Variants in LRRK2 observed in about 807,000 individuals in gnomAD.
The protein encoded by LRRK2 is leucine-rich repeat serine/threonine-protein kinase 2.
A neutral mutation model predicts 302.6 loss-of-function variants in LRRK2; 203 were observed. The observed-to-expected ratio is 0.67, with a 90% CI of 0.60 to 0.75. The LOEUF is 0.75. Among genes scored for constraint, LRRK2 ranks in the 30% least tolerant of loss-of-function variants. The pLI, the probability that LRRK2 is intolerant of heterozygous loss-of-function variation, is 0.00. For synonymous variants in LRRK2, 1,066 were observed against 1,031.9 expected, an observed-to-expected ratio of 1.03 and a Z score of -0.63; for missense variants, 2,830 against 2,951.0, an observed-to-expected ratio of 0.96 and a Z score of 0.95.
intron 43 of LRRK2, among the ~76,000 whole-genome samples, chr12:40,349,173 C>T (rs969207100): frequency 2.0e-5 from 3 of 152,044 alleles, no homozygotes; most frequent in African/African-American, 7.3e-5. Context: ...TGGCTTCTCC[C>T]CTTTTGTCCC....
intron 12 of LRRK2, among the ~76,000 whole-genome samples, chr12:40,257,977 G>T (rs1482780870): frequency 1.3e-5 from 2 of 151,940 alleles, no homozygotes; most frequent in Non-Finnish European, 2.9e-5. Flanking sequence ...ACTCTCATGT[G>T]TAAAAAAAAT....
chr12:40,341,013 G>C (rs1344922300), intron 41 of LRRK2, among the ~76,000 whole-genome samples: 1 of 152,160 alleles, frequency 6.6e-6, no homozygotes, highest in Non-Finnish European at 1.5e-5. Flanking sequence ...GGGGCTGGCC[G>C]TGACCCTACT....
chr12:40,326,964 A>G (rs538523730), intron 38 of LRRK2, among the ~76,000 whole-genome samples: 17 of 152,364 alleles, frequency 1.1e-4, no homozygotes, highest in African/African-American at 3.8e-4. Flanking sequence ...ATATATGCTC[A>G]TTATAGACAT....
intron 38 of LRRK2, among the ~76,000 whole-genome samples, chr12:40,326,175 G>C (rs903586471): frequency 1.3e-5 from 2 of 152,118 alleles, no homozygotes; most frequent in African/African-American, 4.8e-5. Context: ...TAAAAAATTA[G>C]AAATCTCTGC....
intron 37 of LRRK2, among the ~76,000 whole-genome samples, 168 bp downstream of exon 37, chr12:40,322,678 C>A (rs920212642): frequency 6.6e-6 from 1 of 152,020 alleles, no homozygotes; most frequent in Admixed American, 6.6e-5. Context: ...CCAATAAAAT[C>A]TTGTATTCTA....
chr12:40,225,642 T>A lies in LRRK2; in HGVS notation c.237+2T>A. 6.2e-7 allele frequency: 1 copy of A among 1,610,984 alleles called. No individual in the cohort carries two copies. Among genetic ancestry groups the A allele is most frequent in the Non-Finnish European group, 8.5e-7 (1 of 1,177,326 alleles). On this transcript the variant is annotated splice_donor_variant, in intron 2 of 50. Transcript: ENST00000298910. LOFTEE classifies it high-confidence loss of function. ...ATGAGAGTCGCGAGTGTGCAGCAGG[T>A]AAAGGCATTGTTTTCACTTCAACTC...
At chr12:40,230,830 A>T (rs1941144720) in intron 2 of LRRK2, among the ~76,000 whole-genome samples, 1 of 152,052 alleles carries the variant, frequency 6.6e-6, no homozygotes, top group African/African-American at 2.4e-5. Flanking sequence ...TTTCAGAGGT[A>T]AAGAGCAACT....
chr12:40,329,972 T>G (rs1389812765), intron 39 of LRRK2, among the ~76,000 whole-genome samples: 1 of 152,218 alleles, frequency 6.6e-6, no homozygotes, highest in Non-Finnish European at 1.5e-5. Context: ...AATCATACAG[T>G]TTGTATAACA....
At chr12:40,237,939 A>C (rs762018932) in intron 4 of LRRK2, 30 bp from the exon 5 acceptor site, 1 of 1,596,338 alleles carries the variant, frequency 6.3e-7, no homozygotes, top group African/African-American at 1.3e-5. Flanking sequence ...GCAGCTCTTT[A>C]CTCAGAGCAT....
At chr12:40,310,088 A>G (rs1028960367) in intron 30 of LRRK2, among the ~76,000 whole-genome samples, 1 of 152,108 alleles carries the variant, frequency 6.6e-6, no homozygotes, top group Admixed American at 6.6e-5. Flanking sequence ...TTAATTTGAT[A>G]TAATTTGTGG....
intron 33 of LRRK2, among the ~76,000 whole-genome samples, chr12:40,316,638 A>G (rs1344971203): frequency 6.6e-6 from 1 of 151,988 alleles, no homozygotes; most frequent in Admixed American, 6.6e-5. Context: ...ATTATCTTCT[A>G]TATTGCCTCC....
chr12:40,272,082 A>G (rs1482737717), intron 14 of LRRK2, among the ~76,000 whole-genome samples: 3 of 152,152 alleles, frequency 2.0e-5, no homozygotes, highest in African/African-American at 7.2e-5. Flanking sequence ...CGTAGTATAA[A>G]ATGGAAATGC....
intron 47 of LRRK2, among the ~76,000 whole-genome samples, chr12:40,360,261 C>G (rs908915179): frequency 6.6e-6 from 1 of 152,058 alleles, no homozygotes; most frequent in Non-Finnish European, 1.5e-5. Context: ...TGACCAGCAC[C>G]TGGTAAGCTG....
chr12:40,259,409 A>ATT (rs1327634358), intron 12 of LRRK2, 71 bp from the exon 13 acceptor site: 1 of 1,590,092 alleles, frequency 6.3e-7, no homozygotes, highest in Non-Finnish European at 8.6e-7. Context: ...TCCTGTACTT[A>ATT]TTTCAATTTG....
intron 20 of LRRK2, 43 bp from the exon 21 acceptor site, chr12:40,293,501 CT>C (rs1379405707): frequency 4.0e-6 from 5 of 1,246,904 alleles, no homozygotes; most frequent in Middle Eastern, 3.9e-4. Context: ...ATTGAGTAAG[CT>C]TTTTGTATTC....
At chr12:40,326,134 G>A (rs1945540052) in intron 38 of LRRK2, among the ~76,000 whole-genome samples, 1 of 152,106 alleles carries the variant, frequency 6.6e-6, no homozygotes, top group South Asian at 2.1e-4. Flanking sequence ...CCATATTAAT[G>A]CAGCGGCGAT....
intron 20 of LRRK2, among the ~76,000 whole-genome samples, chr12:40,290,697 A>T (rs1463569763): frequency 6.6e-6 from 1 of 152,112 alleles, no homozygotes; most frequent in Admixed American, 6.6e-5. Context: ...TATAGCAATT[A>T]TTTAATTATC....
intron 30 of LRRK2, among the ~76,000 whole-genome samples, chr12:40,309,566 A>G (rs962071380): frequency 1.3e-5 from 2 of 152,098 alleles, no homozygotes; most frequent in African/African-American, 4.8e-5. Flanking sequence ...AGCTATATTA[A>G]AGAAAAGCAA....
intron 40 of LRRK2, among the ~76,000 whole-genome samples, chr12:40,336,020 C>T (rs997046113): frequency 2.0e-5 from 3 of 152,168 alleles, no homozygotes; most frequent in Non-Finnish European, 4.4e-5. Flanking sequence ...GCCTACTGGT[C>T]CCCTGCTTCT....
Sources: gnomAD v4.1 joint callset for allele counts (sites outside exome capture counted in the v4.1 genomes callset) on GRCh38, gnomAD v4.1.1 for gene constraint, MANE v1.5 for transcripts, NCBI Gene and HGNC (gene_info 2026-07-23, HGNC 2026-07-21) for gene names.